The following HS6ST3 variants were observed in gnomAD, a reference collection of about 807,000 sequenced individuals.
The protein encoded by HS6ST3 is heparan-sulfate 6-O-sulfotransferase 3.
HS6ST3 carries 12 observed loss-of-function variants against 36.7 expected under a neutral mutation model. The observed-to-expected ratio is 0.33, with a 90% CI of 0.21 to 0.53. The LOEUF is 0.53. Ranked by LOEUF, HS6ST3 falls within the 20% of genes least tolerant of loss-of-function variation. The pLI, the probability that HS6ST3 is intolerant of heterozygous loss-of-function variation, is 0.95. For synonymous variants in HS6ST3, 240 were observed against 257.5 expected (o/e 0.93, Z 0.65); for missense variants, 584 against 640.9 (o/e 0.91, Z 0.96).
intron 1 of HS6ST3, among the ~76,000 whole-genome samples, chr13:96,390,314 C>A (rs894839022): frequency 1.3e-5 from 2 of 152,134 alleles, no homozygotes; most frequent in Non-Finnish European, 2.9e-5. Flanking sequence ...TTTCTCCCCC[C>A]ACTAAATTCA....
chr13:96,210,700 T>C (rs1436595263), intron 1 of HS6ST3, among the ~76,000 whole-genome samples: 1 of 151,768 alleles, frequency 6.6e-6, no homozygotes, highest in Non-Finnish European at 1.5e-5. Flanking sequence ...TTCAAGTGAT[T>C]CCCCTGCCTC....
chr13:96,283,238 G>A (rs917704390), intron 1 of HS6ST3, among the ~76,000 whole-genome samples: 1 of 152,130 alleles, frequency 6.6e-6, no homozygotes, highest in Non-Finnish European at 1.5e-5. Context: ...AAGTAATAAA[G>A]TATTCTTTAT....
intron 1 of HS6ST3, among the ~76,000 whole-genome samples, chr13:96,545,491 CAGA>C (rs1165897385): frequency 6.6e-6 from 1 of 152,128 alleles, no homozygotes; most frequent in African/African-American, 2.4e-5. Context: ...TGATCATGGG[CAGA>C]AGAAGAGTGG....
chr13:96,754,458 C>G (rs981871293), intron 1 of HS6ST3, among the ~76,000 whole-genome samples: 1 of 152,152 alleles, frequency 6.6e-6, no homozygotes, highest in Non-Finnish European at 1.5e-5. Context: ...AGAGCTCACA[C>G]GCTAATTATC....
intron 1 of HS6ST3, among the ~76,000 whole-genome samples, chr13:96,657,580 A>C (rs774399363): frequency 6.6e-6 from 1 of 152,204 alleles, no homozygotes; most frequent in East Asian, 1.9e-4. Context: ...TATTGTTTCA[A>C]ATGAAAAGTT....
intron 1 of HS6ST3, among the ~76,000 whole-genome samples, chr13:96,257,394 C>T (rs904088665): frequency 3.9e-5 from 6 of 152,174 alleles, no homozygotes; most frequent in Non-Finnish European, 8.8e-5. Flanking sequence ...TGCTGATACT[C>T]CTATCCAAGG....
intron 1 of HS6ST3, among the ~76,000 whole-genome samples, chr13:96,152,258 C>T (rs1258563881): frequency 2.0e-5 from 3 of 151,806 alleles, no homozygotes; most frequent in Admixed American, 2.0e-4. Flanking sequence ...ATTGCCACTC[C>T]CCAGTTGAGA....
chr13:96,648,825 A>G (rs555591447), intron 1 of HS6ST3, among the ~76,000 whole-genome samples: 2 of 152,228 alleles, frequency 1.3e-5, no homozygotes, highest in Middle Eastern at 3.4e-3. Context: ...TGCAAAGGAC[A>G]TAATCTCATT....
chr13:96,337,817 G>A (rs910514174), intron 1 of HS6ST3, among the ~76,000 whole-genome samples: 2 of 151,634 alleles, frequency 1.3e-5, no homozygotes, highest in Admixed American at 6.6e-5. Context: ...CACCTAGATT[G>A]ATTCCTGAAT....
chr13:96,112,582 T>C (rs907367192), intron 1 of HS6ST3, among the ~76,000 whole-genome samples: 1 of 41,758 alleles, frequency 2.4e-5, no homozygotes, highest in Non-Finnish European at 5.2e-5. Flanking sequence ...TAAATAAATA[T>C]ATATATATAT....
intron 1 of HS6ST3, among the ~76,000 whole-genome samples, chr13:96,121,203 G>A (rs575907634): frequency 6.6e-6 from 1 of 152,236 alleles, no homozygotes; most frequent in South Asian, 2.1e-4. Context: ...GGTTTTAAAA[G>A]TATGTAATTT....
chr13:96,712,805 G>A lies in HS6ST3; in HGVS notation c.708-119685G>A, dbSNP rs376397548. Among the ~76,000 whole-genome samples, 67 of 152,308 alleles carry A rather than the reference G, an allele frequency of 4.4e-4. 1 individual carries two copies. The South Asian group carries it at 0.013, about 31-fold the overall frequency. On this transcript the variant is annotated intron_variant, in intron 1 of 1. Transcript: ENST00000376705. ...ACACCCAGTTCATTTAAAGGACTCA[G>A]TAGGTGTGATTTTATTCTTTCATTC... is the stretch of plus-strand genomic sequence containing the variant.
intron 1 of HS6ST3, among the ~76,000 whole-genome samples, chr13:96,104,332 C>A (rs1363019637): frequency 1.3e-5 from 2 of 152,184 alleles, no homozygotes; most frequent in African/African-American, 4.8e-5. Flanking sequence ...TACTGATCAA[C>A]TCCAGGATAT....
chr13:96,639,503 C>G (rs2056562558), intron 1 of HS6ST3, among the ~76,000 whole-genome samples: 1 of 151,738 alleles, frequency 6.6e-6, no homozygotes, highest in Non-Finnish European at 1.5e-5. Context: ...AATAATACAT[C>G]TATTAAACTT....
chr13:96,472,732 C>A (rs1594787656), intron 1 of HS6ST3, among the ~76,000 whole-genome samples: 1 of 151,324 alleles, frequency 6.6e-6, no homozygotes, highest in African/African-American at 2.4e-5. Context: ...ATCCAATCAA[C>A]AATGTTTGTG....
At chr13:96,772,528 A>G (rs1191515583) in intron 1 of HS6ST3, among the ~76,000 whole-genome samples, 3 of 152,302 alleles carry the variant, frequency 2.0e-5, no homozygotes, top group Admixed American at 6.5e-5. Context: ...ATCAAAGATC[A>G]TGTTGGACTT....
At chr13:96,311,228 T>C (rs538910909) in intron 1 of HS6ST3, among the ~76,000 whole-genome samples, 71 of 152,248 alleles carry the variant, frequency 4.7e-4, no homozygotes, top group African/African-American at 3.9e-4. Flanking sequence ...TAGGGAACAG[T>C]TGGGGAAGGT....
At chr13:96,665,172 GATAAA>G (rs2056659425) in intron 1 of HS6ST3, among the ~76,000 whole-genome samples, 1 of 151,834 alleles carries the variant, frequency 6.6e-6, no homozygotes, top group African/African-American at 2.4e-5. Context: ...GTCTCAAAAA[GATAAA>G]ATAAATAAAT....
intron 1 of HS6ST3, among the ~76,000 whole-genome samples, chr13:96,149,203 A>G (rs2054072150): frequency 6.6e-6 from 1 of 152,184 alleles, no homozygotes; most frequent in Non-Finnish European, 1.5e-5. Context: ...TTCGGGCTCC[A>G]GGTGCTAAAA....
Sources: allele counts gnomAD v4.1 joint callset (sites outside exome capture counted in the v4.1 genomes callset), GRCh38; gene constraint gnomAD v4.1.1; transcripts MANE v1.5; gene names NCBI Gene and HGNC (gene_info 2026-07-23, HGNC 2026-07-21).